Variants in FOXI1 observed in about 807,000 individuals in gnomAD.
The protein encoded by FOXI1 is forkhead box protein I1.
FOXI1 carries 11 observed loss-of-function variants against 16.4 expected under a neutral mutation model. That is an observed-to-expected ratio of 0.67 (90% CI 0.42 to 1.11). The LOEUF (loss-of-function observed/expected upper bound fraction) is 1.11. Among genes scored for constraint, FOXI1 ranks in the 50% least tolerant of loss-of-function variants. The pLI, the probability that FOXI1 is intolerant of heterozygous loss-of-function variation, is 0.00. For synonymous variants in FOXI1, 218 were observed against 211.5 expected (o/e 1.03, Z -0.27); for missense variants, 480 against 506.1 (o/e 0.95, Z 0.49).
At position 170,108,899 on chromosome 5, in the gene FOXI1, G is replaced by A. The variant is rs895002250; in HGVS notation, c.*288G>A. The A allele has an allele frequency of 1.8e-5, 8 of 434,788 alleles. No individual in the cohort carries two copies. The highest frequency in any genetic ancestry group is 1.4e-4 in the African/African-American group (7 of 50,474). The allele number at this position is 434,788 out of a possible 1,614,324, so 26.9% of individuals were successfully genotyped here. Reference sequence around the variant, plus strand: ...GTACTGGCCACACTTACTATTGACAGTCACCCCGTAAGGTTCACAAACCAC... The same window carrying A: ...GTACTGGCCACACTTACTATTGACAATCACCCCGTAAGGTTCACAAACCAC... On this transcript the variant is annotated 3_prime_UTR_variant, in exon 2 of 2. Transcript: ENST00000306268.
rs745971973 is a variant in FOXI1, at chr5:170,108,358, C to A, written c.884C>A (p.Thr295Lys). 5.6e-6 allele frequency: 9 copies of A among 1,614,102 alleles called. No individual in the cohort carries two copies. Among genetic ancestry groups the A allele is most frequent in the South Asian group, 1.1e-5 (1 of 91,086 alleles). The change falls in exon 2 of 2, where the codon ACG (threonine) becomes AAG (lysine). Residue 295 changes from threonine to lysine, a missense_variant. Transcript: ENST00000306268. ...MTAYVSGGSP[T>K]SHPLVTPGLS... ...GCCTATGTGAGCGGGGGGAGCCCCA[C>A]GAGCCACCCCTTGGTCACACCAGGA...
chr5:170,108,767 C>T lies in FOXI1; in HGVS notation c.*156C>T. The T allele has an allele frequency of 4.5e-6, 3 of 663,902 alleles. No homozygotes were observed. Among genetic ancestry groups the T allele is most frequent in the South Asian group, 3.5e-5 (2 of 56,734 alleles). 41.1% of individuals were successfully genotyped at this position (663,902 alleles called of 1,614,324 possible). ...CCTCTTTCTAGAACACTGGTTAAGG[C>T]TTCTGTTTATCACACATAGGCCCAC... On this transcript the variant is annotated 3_prime_UTR_variant, in exon 2 of 2. Transcript: ENST00000306268.
chr5:170,105,963 C>T lies in FOXI1; in HGVS notation c.6C>T (p.Ser2=). The change falls in exon 1 of 2, where the codon AGC becomes AGT. Residue 2 remains serine, a synonymous_variant. Coordinates refer to ENST00000306268, the MANE Select transcript of FOXI1 (RefSeq NM_012188.5). M[S]SFDLPAPSPP... ...CCGGCCAGCCCAGCCCCAGCATGAG[C>T]TCCTTCGACCTGCCGGCGCCCTCCC... 1.2e-6 allele frequency: 2 copies of T among 1,609,020 alleles called. No homozygotes were observed. The highest frequency in any genetic ancestry group is 8.5e-7 in the Non-Finnish European group (1 of 1,176,356).
Position 170,105,897 on chromosome 5 carries a change from G to A in FOXI1, c.-61G>A, listed in dbSNP as rs1370939370. The A allele has an allele frequency of 1.5e-6, 2 of 1,311,748 alleles. No homozygotes were observed. The highest frequency in any genetic ancestry group is 1.9e-5 in the Admixed American group (1 of 53,432). 81.3% of individuals were successfully genotyped at this position (1,311,748 alleles called of 1,614,324 possible). On this transcript the variant is annotated 5_prime_UTR_variant, in exon 1 of 2. Coordinates refer to ENST00000306268, the MANE Select transcript of FOXI1 (RefSeq NM_012188.5). ...GGGAGGCCGGGCCTGCTGAGCACCT[G>A]TCAGGGGCAGCTCCGGGGTGCAGGT... is the stretch of plus-strand genomic sequence containing the variant.
Position 170,106,118 on chromosome 5 carries a change from A to G in FOXI1, c.161A>G (p.Glu54Gly), listed in dbSNP as rs1417785705. Residue 54 changes from glutamate to glycine, a missense_variant, in exon 1 of 2, where the codon GAG becomes GGG. Physicochemically the swap from Glu to Gly is moderately conservative, Grantham distance 98 (BLOSUM62 -2). Around this residue, in one of 3 missense-constraint regions of FOXI1, gnomAD observed 219 missense variants for 222.9 expected, o/e 0.98. Coordinates refer to ENST00000306268, the MANE Select transcript of FOXI1 (RefSeq NM_012188.5). Reference protein sequence around the residue: ...PQRPSFEGGGEYGATPNPYLW... With the variant: ...PQRPSFEGGGGYGATPNPYLW... ...CGGCCCTCCTTCGAGGGGGGCGGCGAGTATGGGGCCACCCCCAACCCCTAC... is the reference window on the plus strand; with the variant it reads ...CGGCCCTCCTTCGAGGGGGGCGGCGGGTATGGGGCCACCCCCAACCCCTAC... The G allele has an allele frequency of 6.2e-7, 1 of 1,611,994 alleles. No individual in the cohort carries two copies. Among genetic ancestry groups the G allele is most frequent in the Non-Finnish European group, 8.5e-7 (1 of 1,179,220 alleles).
In FOXI1 at chr5:170,106,269, G is replaced by A. The variant is rs1401838548; in HGVS notation, c.312G>A (p.Gly104=). The A allele has an allele frequency of 1.3e-6, 2 of 1,580,368 alleles. No individual in the cohort carries two copies. Among genetic ancestry groups the A allele is most frequent in the Non-Finnish European group, 1.7e-6 (2 of 1,163,216 alleles). Residue 104 remains glycine (G), a synonymous_variant, in exon 1 of 2, where the codon GGG becomes GGA. Transcript: ENST00000306268. ...PLLPSVSGLG[G]SDLGWLPIPS... ...TGCCCAGCGTGTCGGGGCTTGGGGG[G>A]AGCGACCTGGGCTGGCTGCCCATCC...
chr5:170,107,113 C>T (rs1164947242), intron 1 of FOXI1: 4 of 357,054 alleles, frequency 1.1e-5, no homozygotes, highest in Non-Finnish European at 1.6e-5. Context: ...TTATGAAACC[C>T]ATTCTACAGA....
chr5:170,106,044 C>T lies in FOXI1; in HGVS notation c.87C>T (p.Asn29=). The T allele has an allele frequency of 6.2e-7, 1 of 1,612,822 alleles. No homozygotes were observed. Among genetic ancestry groups the T allele is most frequent in the Non-Finnish European group, 8.5e-7 (1 of 1,179,020 alleles). The change falls in exon 1 of 2, where the codon AAC becomes AAT. Residue 29 remains asparagine (N), a synonymous_variant. Transcript: ENST00000306268. ...TCGGCCAGGAGCCCCCCGAGATGAA[C>T]CTCTACTATGAGAACTTCTTCCACC... ...PSIGQEPPEM[N]LYYENFFHPQ... is the part of the protein sequence containing the mutation.
In FOXI1 at chr5:170,108,443, C is replaced by T; in HGVS notation, c.969C>T (p.Ser323=). ...ACTCACTGACCTTCAACTCCTTCTC[C>T]CCGCTCACCAACCTCAGCAACCACA... ...GQNSLTFNSF[S]PLTNLSNHSG... is the part of the protein sequence containing the mutation. Residue 323 remains serine, a synonymous_variant, in exon 2 of 2, where the codon TCC becomes TCT. Transcript: ENST00000306268. 1 of 1,604,250 alleles carries T rather than the reference C, an allele frequency of 6.2e-7. No homozygotes were observed. Among genetic ancestry groups the T allele is most frequent in the Admixed American group, 1.7e-5 (1 of 59,654 alleles).
chr5:170,108,050 C>T lies in FOXI1; in HGVS notation c.576C>T (p.Gly192=), dbSNP rs774258197. The T allele has an allele frequency of 1.9e-6, 3 of 1,611,834 alleles. No homozygotes were observed. The highest frequency in any genetic ancestry group is 3.3e-5 in the Admixed American group (2 of 60,030). The part of the protein sequence containing the change: ...KKVPRDEDDP[G]KGNYWTLDPN... Reference sequence around the variant, plus strand: ...TACCCCCTTTCACTTTTGTATCAGGCAAAGGGAATTACTGGACCCTGGACC... The same window carrying T: ...TACCCCCTTTCACTTTTGTATCAGGTAAAGGGAATTACTGGACCCTGGACC... Residue 192 remains glycine, a splice_region_variant and synonymous_variant, in exon 2 of 2, where the codon GGC becomes GGT. Coordinates refer to ENST00000306268, the MANE Select transcript of FOXI1 (RefSeq NM_012188.5).
intron 1 of FOXI1, among the ~76,000 whole-genome samples, chr5:170,107,562 A>G (rs538209391): frequency 7.9e-5 from 12 of 152,352 alleles, no homozygotes; most frequent in Middle Eastern, 3.4e-3. Flanking sequence ...CCTGAGGAAG[A>G]CAGGGGCAAT....
rs1217819022 is a variant in FOXI1 at position 170,106,252 on chromosome 5, G to A, written c.295G>A (p.Val99Met). ...AGTGCAGAGGCCGCTGCTGCCCAGC[G>A]TGTCGGGGCTTGGGGGGAGCGACCT... ...YGVQRPLLPS[V>M]SGLGGSDLGW... Residue 99 changes from valine (V) to methionine (M), a missense_variant, in exon 1 of 2, where the codon GTG becomes ATG. Physicochemically the swap from Val to Met is conservative, Grantham distance 21 (BLOSUM62 1). This residue lies in a region of FOXI1 where 219 missense variants were observed against 222.9 expected (regional missense o/e 0.98). Coordinates refer to ENST00000306268, the MANE Select transcript of FOXI1 (RefSeq NM_012188.5). The A allele has an allele frequency of 1.3e-6, 2 of 1,580,988 alleles. No homozygotes were observed. The highest frequency in any genetic ancestry group is 1.7e-6 in the Non-Finnish European group (2 of 1,163,380).
At position 170,105,993 on chromosome 5, in the gene FOXI1, T is replaced by A. The variant is rs772064917; in HGVS notation, c.36T>A (p.Pro12=). ...SSFDLPAPSP[P]RCSPQFPSIG... Reference sequence around the variant, plus strand: ...TCGACCTGCCGGCGCCCTCCCCACCTCGCTGCAGCCCCCAGTTCCCCAGCA... The same window carrying A: ...TCGACCTGCCGGCGCCCTCCCCACCACGCTGCAGCCCCCAGTTCCCCAGCA... The change falls in exon 1 of 2, where the codon CCT becomes CCA. Residue 12 remains proline (P), a synonymous_variant. Coordinates refer to ENST00000306268, the MANE Select transcript of FOXI1 (RefSeq NM_012188.5). 1.2e-6 allele frequency: 2 copies of A among 1,611,680 alleles called. No individual in the cohort carries two copies. Among genetic ancestry groups the A allele is most frequent in the Non-Finnish European group, 1.7e-6 (2 of 1,178,538 alleles).
chr5:170,108,212 G>T lies in FOXI1; in HGVS notation c.738G>T (p.Thr246=), dbSNP rs768707284. The T allele has an allele frequency of 1.9e-6, 3 of 1,614,108 alleles. No homozygotes were observed. In the South Asian group the frequency reaches 3.3e-5, roughly 18 times the overall value. ...SSLPVDSPKT[T]EPQDILDGAS... Reference sequence around the variant, plus strand: ...TCCCGGTGGACAGCCCCAAGACCACGGAGCCTCAGGACATCTTGGATGGAG... The same window carrying T: ...TCCCGGTGGACAGCCCCAAGACCACTGAGCCTCAGGACATCTTGGATGGAG... The change falls in exon 2 of 2, where the codon ACG becomes ACT. Residue 246 remains threonine (T), a synonymous_variant. Transcript: ENST00000306268.
intron 1 of FOXI1, chr5:170,106,848 T>TAC: frequency 3.3e-6 from 1 of 304,946 alleles, no homozygotes; most frequent in Non-Finnish European, 4.8e-6. Flanking sequence ...TGAGATAATG[T>TAC]ACACAAGGTT....
chr5:170,107,340 T>TATAG (rs1287358907), intron 1 of FOXI1, among the ~76,000 whole-genome samples: 1 of 152,140 alleles, frequency 6.6e-6, no homozygotes, highest in African/African-American at 2.4e-5. Context: ...GAAGCCAAGG[T>TATAG]ATAGCTCAAA....
At position 170,106,385 on chromosome 5, in the gene FOXI1, G is replaced by T; in HGVS notation, c.428G>T (p.Arg143Leu). 1 of 1,613,994 alleles carries T rather than the reference G, an allele frequency of 6.2e-7. No homozygotes were observed. Among genetic ancestry groups the T allele is most frequent in the Non-Finnish European group, 8.5e-7 (1 of 1,179,922 alleles). Residue 143 changes from arginine to leucine, a missense_variant, in exon 1 of 2, where the codon CGC becomes CTC. Physicochemically the swap from Arg to Leu is moderately radical, Grantham distance 102. Transcript: ENST00000306268. ...GCCATCCACGGGGCACCCGACAAGC[G>T]CCTCACTCTCAGCCAGATCTACCAG... Reference protein sequence around the residue: ...AMAIHGAPDKRLTLSQIYQYV... With the variant: ...AMAIHGAPDKLLTLSQIYQYV...
chr5:170,108,273 C>A lies in FOXI1; in HGVS notation c.799C>A (p.Arg267=). The A allele has an allele frequency of 6.2e-7, 1 of 1,614,118 alleles. No homozygotes were observed. The highest frequency in any genetic ancestry group is 8.5e-7 in the Non-Finnish European group (1 of 1,179,988). The change falls in exon 2 of 2, where the codon CGG becomes AGG. Residue 267 remains arginine (R), a synonymous_variant. Transcript: ENST00000306268. The part of the protein sequence containing the change: ...PGGTTSSPEK[R]PSPPPSGAPC... The stretch of plus-strand genomic sequence containing the variant: ...GGGCACCACCAGCTCCCCAGAGAAG[C>A]GGCCCTCCCCTCCCCCATCAGGCGC...
At chr5:170,107,685 T>C (rs1052374522) in intron 1 of FOXI1, among the ~76,000 whole-genome samples, 2 of 152,074 alleles carry the variant, frequency 1.3e-5, no homozygotes, top group Non-Finnish European at 2.9e-5. Context: ...TATTAGGGAG[T>C]CCCAGAGTTT....
Sources: gnomAD v4.1 joint callset for allele counts (sites outside exome capture counted in the v4.1 genomes callset) on GRCh38, gnomAD v4.1.1 for gene constraint, gnomAD v4.1.1 regional missense constraint, MANE v1.5 for transcripts, NCBI Gene and HGNC (gene_info 2026-07-23, HGNC 2026-07-21) for gene names.